Variants in GAS2 observed in about 807,000 individuals in gnomAD.
GAS2 encodes growth arrest-specific protein 2.
In GAS2, 20 loss-of-function variants were observed where a neutral mutation model predicts 37.5. The ratio of observed to expected loss-of-function variants is 0.53; its 90% CI spans 0.37 to 0.77. The LOEUF (loss-of-function observed/expected upper bound fraction) is 0.77. GAS2 is among the 30% of genes least tolerant of loss of function. The probability of loss-of-function intolerance (pLI) is 0.00; values close to 1 mark genes in which losing one functional copy is unlikely to be tolerated. For missense variants in GAS2, 336 were observed against 373.4 expected (o/e 0.90, Z 0.82); for synonymous variants, 144 against 132.2 (o/e 1.09, Z -0.61).
chr11:22,649,597 C>T (rs1434022976), intron 1 of GAS2, among the ~76,000 whole-genome samples: 1 of 152,190 alleles, frequency 6.6e-6, no homozygotes, highest in Non-Finnish European at 1.5e-5. Context: ...ATTTCTGCTC[C>T]TGTTATTGAT....
intron 7 of GAS2, among the ~76,000 whole-genome samples, chr11:22,806,537 A>G (rs917841785): frequency 1.3e-5 from 2 of 152,198 alleles, no homozygotes; most frequent in African/African-American, 4.8e-5. Context: ...GCTGTTTTCC[A>G]TAATGGCTAT....
chr11:22,804,794 G>A (rs1440946572), intron 7 of GAS2, among the ~76,000 whole-genome samples: 2 of 152,110 alleles, frequency 1.3e-5, no homozygotes, highest in East Asian at 1.9e-4. Flanking sequence ...CTGATGGAGG[G>A]TGGGGACAAG....
At chr11:22,678,184 C>T (rs2133904834) in intron 2 of GAS2, among the ~76,000 whole-genome samples, 1 of 152,092 alleles carries the variant, frequency 6.6e-6, no homozygotes, top group South Asian at 2.1e-4. Context: ...CTACTAATAA[C>T]TTGAGATTAT....
intron 1 of GAS2, among the ~76,000 whole-genome samples, chr11:22,671,760 G>A (rs1774600035): frequency 6.6e-6 from 1 of 151,988 alleles, no homozygotes. Context: ...CTTTTTATGG[G>A]AATAAGATAA....
chr11:22,714,727 C>T (rs1851578367), intron 3 of GAS2, among the ~76,000 whole-genome samples: 1 of 152,224 alleles, frequency 6.6e-6, no homozygotes, highest in East Asian at 1.9e-4. Flanking sequence ...TAAAGCTATA[C>T]AAATACATGG....
In GAS2 at chr11:22,733,291, T is replaced by C. The variant is rs539903325; in HGVS notation, c.410-4414T>C. On this transcript the variant is annotated intron_variant, in intron 4 of 7. Transcript: ENST00000454584. ...CTCTCCTTGGCATATTAGAACCAAT[T>C]CTCTACTCTGGGAAAGTAGGCAGCC... Among the ~76,000 whole-genome samples the C allele has an allele frequency of 2.0e-5, 3 of 151,864 alleles. No homozygotes were observed. In the East Asian group the frequency reaches 5.8e-4, roughly 29 times the overall value.
chr11:22,753,878 A>G (rs1024610418), intron 6 of GAS2, among the ~76,000 whole-genome samples: 6 of 152,116 alleles, frequency 3.9e-5, no homozygotes, highest in African/African-American at 1.2e-4. Context: ...GACAACATTC[A>G]TTGGTCCTGT....
intron 3 of GAS2, among the ~76,000 whole-genome samples, chr11:22,723,274 A>G (rs1482205123): frequency 6.6e-6 from 1 of 151,936 alleles, no homozygotes; most frequent in Non-Finnish European, 1.5e-5. Context: ...TTGGAGTATC[A>G]ATAGCCAGCT....
intron 1 of GAS2, among the ~76,000 whole-genome samples, chr11:22,661,089 A>G (rs971282729): frequency 6.6e-6 from 1 of 152,248 alleles, no homozygotes; most frequent in Non-Finnish European, 1.5e-5. Flanking sequence ...GTACTTAAAA[A>G]TCAATGAATA....
chr11:22,667,734 G>A (rs1441079097), intron 1 of GAS2, among the ~76,000 whole-genome samples: 1 of 152,188 alleles, frequency 6.6e-6, no homozygotes, highest in African/African-American at 2.4e-5. Context: ...GGGAGCAAAA[G>A]CGAGGGTTAA....
intron 2 of GAS2, among the ~76,000 whole-genome samples, chr11:22,680,041 AT>A (rs1379366760): frequency 6.6e-6 from 1 of 152,126 alleles, no homozygotes; most frequent in Non-Finnish European, 1.5e-5. Flanking sequence ...AGCATTAAAA[AT>A]TTAAGCACCT....
intron 7 of GAS2, among the ~76,000 whole-genome samples, chr11:22,757,711 T>A (rs1446803493): frequency 1.3e-5 from 2 of 152,224 alleles, no homozygotes; most frequent in African/African-American, 2.4e-5. Flanking sequence ...AAACGTTTTT[T>A]AAAAACTTAA....
At chr11:22,681,828 A>G (rs554251841) in intron 2 of GAS2, among the ~76,000 whole-genome samples, 1 of 131,864 alleles carries the variant, frequency 7.6e-6, no homozygotes, top group South Asian at 2.6e-4. Flanking sequence ...CTACTTTTAT[A>G]TTATATTTTT....
In GAS2 at chr11:22,726,407, CG is replaced by C; in HGVS notation, c.384del (p.Cys129ValfsTer22). ...SWCRDLGVDE[T>X]CLFESEGLVL... is the part of the protein sequence containing the mutation. Reference sequence around the variant, plus strand: ...TGCCGAGATTTAGGGGTGGATGAAACGTGTCTATTTGAATCGGAAGGTTTGG... The same window carrying C: ...TGCCGAGATTTAGGGGTGGATGAAACTGTCTATTTGAATCGGAAGGTTTGG... On this transcript the variant is annotated frameshift_variant, in exon 4 of 8. Transcript: ENST00000454584. LOFTEE classifies it high-confidence loss of function. 1 of 1,612,006 alleles carries C rather than the reference CG, an allele frequency of 6.2e-7. No homozygotes were observed. Among genetic ancestry groups the C allele is most frequent in the East Asian group, 2.2e-5 (1 of 44,828 alleles).
intron 7 of GAS2, among the ~76,000 whole-genome samples, chr11:22,765,982 C>A (rs1854671764): frequency 6.6e-6 from 1 of 152,024 alleles, no homozygotes; most frequent in Non-Finnish European, 1.5e-5. Context: ...AGGGGAGGTG[C>A]CACACACTTT....
chr11:22,706,458 A>G (rs1851125333), intron 3 of GAS2, among the ~76,000 whole-genome samples: 1 of 152,036 alleles, frequency 6.6e-6, no homozygotes, highest in African/African-American at 2.4e-5. Flanking sequence ...AGCATTAGGT[A>G]TATCTCCCAA....
chr11:22,697,891 C>G (rs1364143025), intron 3 of GAS2, among the ~76,000 whole-genome samples: 1 of 152,126 alleles, frequency 6.6e-6, no homozygotes, highest in African/African-American at 2.4e-5. Context: ...CATCTGCAAA[C>G]AGGGACAATT....
chr11:22,684,504 C>T (rs926407986), intron 2 of GAS2, among the ~76,000 whole-genome samples: 8 of 128,314 alleles, frequency 6.2e-5, no homozygotes, highest in Admixed American at 2.2e-4. Context: ...TAATAATTTA[C>T]ACAAAAAATT....
chr11:22,786,247 A>C lies in GAS2; in HGVS notation c.724-25551A>C, dbSNP rs114385563. ...ATGAGTTGGATAAAAAAAAATTGTG[A>C]AAATGAACTTCATCCGAGCTGTCAC... is the stretch of plus-strand genomic sequence containing the variant. On this transcript the variant is annotated intron_variant, in intron 7 of 7. Transcript: ENST00000454584. Among the ~76,000 whole-genome samples, 987 of 152,276 alleles carry C rather than the reference A, an allele frequency of 6.5e-3. 8 individuals carry two copies. The highest frequency in any genetic ancestry group is 0.022 in the African/African-American group (932 of 41,562).
Sources: gnomAD v4.1 joint callset for allele counts (sites outside exome capture counted in the v4.1 genomes callset) on GRCh38, gnomAD v4.1.1 for gene constraint, MANE v1.5 for transcripts, NCBI Gene and HGNC (gene_info 2026-07-23, HGNC 2026-07-21) for gene names.